The following PPFIA2 variants were observed in gnomAD, a reference collection of about 807,000 sequenced individuals.
PPFIA2 encodes the protein liprin-alpha-2.
In PPFIA2, 46 loss-of-function variants were observed where a neutral mutation model predicts 175.5. That is an observed-to-expected ratio of 0.26 (90% CI 0.21 to 0.34). The LOEUF is 0.34. Among genes scored for constraint, PPFIA2 ranks in the 10% least tolerant of loss-of-function variants. The pLI is 1.00. For missense variants in PPFIA2, 1,179 were observed against 1,506.1 expected, an observed-to-expected ratio of 0.78 and a Z score of 3.60; for synonymous variants, 568 against 511.4, an observed-to-expected ratio of 1.11 and a Z score of -1.49.
chr12:81,380,145 C>T (rs1015596576), intron 9 of PPFIA2, among the ~76,000 whole-genome samples: 1 of 152,004 alleles, frequency 6.6e-6, no homozygotes, highest in Non-Finnish European at 1.5e-5. Context: ...GTGGGAGGAT[C>T]CCTTGAACCA....
intron 4 of PPFIA2, among the ~76,000 whole-genome samples, chr12:81,539,556 A>G (rs536829713): frequency 6.6e-6 from 1 of 152,118 alleles, no homozygotes; most frequent in East Asian, 1.9e-4. Context: ...CACCCATGCC[A>G]TAACGAATCA....
chr12:81,390,901 G>A (rs12423759), intron 8 of PPFIA2, among the ~76,000 whole-genome samples: 10,135 of 151,386 alleles, frequency 0.067, 463 homozygotes, highest in African/African-American at 0.13. Flanking sequence ...AGCAGTACAA[G>A]TATATATTTG....
chr12:81,728,625 A>G (rs1446286082), intron 3 of PPFIA2, among the ~76,000 whole-genome samples: 4 of 151,452 alleles, frequency 2.6e-5, no homozygotes, highest in African/African-American at 2.4e-5. Context: ...TTTCCTATAG[A>G]TTACAATTTT....
At chr12:81,408,595 A>C (rs2043340214) in intron 7 of PPFIA2, among the ~76,000 whole-genome samples, 1 of 152,204 alleles carries the variant, frequency 6.6e-6, no homozygotes, top group African/African-American at 2.4e-5. Context: ...AAGATGAATT[A>C]ATGTCCCTAT....
At chr12:81,336,925 T>C (rs903332841) in intron 21 of PPFIA2, among the ~76,000 whole-genome samples, 1 of 152,150 alleles carries the variant, frequency 6.6e-6, no homozygotes, top group Non-Finnish European at 1.5e-5. Flanking sequence ...GTTCCTCAGA[T>C]GCATGAATAA....
chr12:81,743,691 T>G (rs2082659257), intron 3 of PPFIA2, among the ~76,000 whole-genome samples: 1 of 152,078 alleles, frequency 6.6e-6, no homozygotes, highest in South Asian at 2.1e-4. Flanking sequence ...TCTAGGAACA[T>G]GTACAGTTCA....
chr12:81,467,901 GA>G (rs1258244831), intron 4 of PPFIA2, among the ~76,000 whole-genome samples: 12 of 152,124 alleles, frequency 7.9e-5, no homozygotes, highest in African/African-American at 2.7e-4. Flanking sequence ...CCTATTGAAT[GA>G]AGCTCCCACC....
At chr12:81,731,531 G>A (rs1309582175) in intron 3 of PPFIA2, among the ~76,000 whole-genome samples, 5 of 151,526 alleles carry the variant, frequency 3.3e-5, no homozygotes, top group Non-Finnish European at 7.4e-5. Flanking sequence ...GCCTTACTGT[G>A]CTTATATCTC....
intron 4 of PPFIA2, among the ~76,000 whole-genome samples, chr12:81,492,425 C>T (rs1318385219): frequency 6.6e-6 from 1 of 151,740 alleles, no homozygotes; most frequent in African/African-American, 2.4e-5. Flanking sequence ...GAGAGGAAGA[C>T]ATTAAAGAAG....
intron 4 of PPFIA2, among the ~76,000 whole-genome samples, chr12:81,617,982 A>G (rs1340645060): frequency 6.6e-6 from 1 of 152,202 alleles, no homozygotes; most frequent in African/African-American, 2.4e-5. Flanking sequence ...CAAAGGATAA[A>G]GGGATTCGTG....
intron 8 of PPFIA2, among the ~76,000 whole-genome samples, chr12:81,404,600 G>A (rs1159428771): frequency 6.6e-6 from 1 of 152,108 alleles, no homozygotes; most frequent in East Asian, 1.9e-4. Flanking sequence ...TGTAGTTTAT[G>A]TTTTATATTT....
At chr12:81,358,060 G>A (rs2061107442) in intron 16 of PPFIA2, 22 bp downstream of exon 16, 1 of 1,552,722 alleles carries the variant, frequency 6.4e-7, no homozygotes, top group Non-Finnish European at 8.7e-7. Context: ...AACTAGAGAA[G>A]AGTTGAAGTT....
chr12:81,367,084 C>A (rs2033706722), intron 14 of PPFIA2, 24 bp downstream of exon 14: 3 of 1,448,922 alleles, frequency 2.1e-6, no homozygotes, highest in Admixed American at 5.5e-5. Flanking sequence ...GAAAATGGGC[C>A]CAAAACATAA....
At chr12:81,352,907 G>T (rs1305376190) in intron 17 of PPFIA2, among the ~76,000 whole-genome samples, 2 of 152,102 alleles carry the variant, frequency 1.3e-5, no homozygotes, top group East Asian at 3.9e-4. Flanking sequence ...TCCTTACAAA[G>T]GCTGTCCTAA....
rs34030284 is a variant in PPFIA2, at chr12:81,497,530, C to CTTTTTTTTTTTTT, written c.304-39677_304-39665dup. On this transcript the variant is annotated intron_variant, in intron 4 of 32. Coordinates refer to ENST00000549396, the MANE Select transcript of PPFIA2 (RefSeq NM_003625.5). ...AGTGACATCCCTATTTCATTGATGT[C>CTTTTTTTTTTTTT]TTTTTTTTTTTTTTTTTTTTTTTTT... Among the ~76,000 whole-genome samples the CTTTTTTTTTTTTT allele has an allele frequency of 9.1e-5, 6 of 66,184 alleles. 1 individual carries two copies. Among genetic ancestry groups the CTTTTTTTTTTTTT allele is most frequent in the African/African-American group, 3.3e-4 (6 of 18,222 alleles). 43.4% of individuals were successfully genotyped at this position (66,184 alleles called of 152,430 possible). A position where few individuals can be genotyped will look rare whatever the true frequency, so the allele number is the denominator to read the frequency against.
At chr12:81,721,964 A>G (rs2079411475) in intron 3 of PPFIA2, among the ~76,000 whole-genome samples, 1 of 151,158 alleles carries the variant, frequency 6.6e-6, no homozygotes, top group African/African-American at 2.4e-5. Flanking sequence ...ATTATTATTT[A>G]AAACAATGTG....
At chr12:81,412,868 C>T (rs952214893) in intron 7 of PPFIA2, among the ~76,000 whole-genome samples, 2 of 151,860 alleles carry the variant, frequency 1.3e-5, no homozygotes, top group African/African-American at 4.8e-5. Context: ...TCAATTTTAT[C>T]TTTCTATTCA....
At chr12:81,579,606 T>C (rs1483964690) in intron 4 of PPFIA2, among the ~76,000 whole-genome samples, 1 of 151,828 alleles carries the variant, frequency 6.6e-6, no homozygotes, top group Non-Finnish European at 1.5e-5. Flanking sequence ...ATCCTCACAA[T>C]GCATACATCA....
At chr12:81,485,223 C>A (rs988526056) in intron 4 of PPFIA2, among the ~76,000 whole-genome samples, 1 of 151,688 alleles carries the variant, frequency 6.6e-6, no homozygotes, top group African/African-American at 2.4e-5. Flanking sequence ...ATTATCTAGT[C>A]AATATATGCA....
Sources: gnomAD v4.1 joint callset for allele counts (sites outside exome capture counted in the v4.1 genomes callset) on GRCh38, gnomAD v4.1.1 for gene constraint, MANE v1.5 for transcripts, NCBI Gene and HGNC (gene_info 2026-07-23, HGNC 2026-07-21) for gene names.